Variants in SLC13A3 observed in about 807,000 individuals in gnomAD.
SLC13A3 encodes the protein Na(+)/dicarboxylate cotransporter 3.
In SLC13A3, 40 loss-of-function variants were observed where a neutral mutation model predicts 59.0. That is an observed-to-expected ratio of 0.68 (90% CI 0.53 to 0.88). The LOEUF is 0.88. Among genes scored for constraint, SLC13A3 ranks in the 40% least tolerant of loss-of-function variants. SLC13A3 has a pLI of 0.00. For missense variants in SLC13A3, 699 were observed against 783.2 expected, an observed-to-expected ratio of 0.89 and a Z score of 1.28; for synonymous variants, 317 against 330.3, an observed-to-expected ratio of 0.96 and a Z score of 0.44.
intron 11 of SLC13A3, among the ~76,000 whole-genome samples, chr20:46,564,249 A>C (rs925040058): frequency 6.6e-6 from 1 of 152,162 alleles, no homozygotes; most frequent in Non-Finnish European, 1.5e-5. Flanking sequence ...CCAAATTTCT[A>C]AGACTGTGTG....
At chr20:46,672,477 G>A (rs553527373), upstream of SLC13A3, among the ~76,000 whole-genome samples, 1 of 152,336 alleles carries the variant, frequency 6.6e-6, no homozygotes, top group South Asian at 2.1e-4. Flanking sequence ...AAATGAGGCA[G>A]GCAGCATCCC....
intron 1 of SLC13A3, among the ~76,000 whole-genome samples, chr20:46,629,554 T>G (rs372667996): frequency 1.3e-5 from 2 of 152,376 alleles, no homozygotes; most frequent in East Asian, 1.9e-4. Flanking sequence ...TCTTCCATAC[T>G]AATTGTTTTT....
Position 46,589,256 on chromosome 20 carries a change from C to T in SLC13A3, c.921-1G>A. The T allele has an allele frequency of 1.2e-6, 2 of 1,614,074 alleles. No individual in the cohort carries two copies. The highest frequency in any genetic ancestry group is 8.5e-7 in the Non-Finnish European group (1 of 1,179,934). Reference sequence around the variant, plus strand: ...CTCAGATTTATTCTTCCTCCAGCCCCTGAAACAGAAAGTGGGAGATTAGGA... The same window carrying T: ...CTCAGATTTATTCTTCCTCCAGCCCTTGAAACAGAAAGTGGGAGATTAGGA... On this transcript the variant is annotated splice_acceptor_variant, in intron 6 of 12. Coordinates refer to ENST00000279027, the MANE Select transcript of SLC13A3 (RefSeq NM_022829.6). LOFTEE classifies it high-confidence loss of function.
chr20:46,594,513 T>C (rs2062290589), intron 5 of SLC13A3, among the ~76,000 whole-genome samples: 1 of 151,964 alleles, frequency 6.6e-6, no homozygotes, highest in Non-Finnish European at 1.5e-5. Flanking sequence ...CAAACCCTCA[T>C]ACCAAATGCC....
chr20:46,582,116 C>T (rs1389169232), intron 9 of SLC13A3, among the ~76,000 whole-genome samples: 2 of 151,936 alleles, frequency 1.3e-5, no homozygotes, highest in Non-Finnish European at 2.9e-5. Context: ...AGCAAGACCC[C>T]TGTTCCTACA....
chr20:46,668,058 C>G (rs1231153484), intron 1 of SLC13A3, among the ~76,000 whole-genome samples: 1 of 152,164 alleles, frequency 6.6e-6, no homozygotes, highest in Non-Finnish European at 1.5e-5. Flanking sequence ...CAATCTCTCT[C>G]CCTCTCCTCA....
At chr20:46,589,598 G>T (rs2062232570) in intron 6 of SLC13A3, among the ~76,000 whole-genome samples, 1 of 152,168 alleles carries the variant, frequency 6.6e-6, no homozygotes, top group Non-Finnish European at 1.5e-5. Flanking sequence ...TAATAAAATT[G>T]CTATCTCAGA....
chr20:46,674,488 C>G (rs116161018), upstream of SLC13A3, among the ~76,000 whole-genome samples: 2 of 152,122 alleles, frequency 1.3e-5, no homozygotes, highest in Admixed American at 6.5e-5. Context: ...GGCCTTTGAT[C>G]GGCAGCAGAC....
At chr20:46,672,600 C>T (rs1397744584), upstream of SLC13A3, among the ~76,000 whole-genome samples, 1 of 152,166 alleles carries the variant, frequency 6.6e-6, no homozygotes, top group Non-Finnish European at 1.5e-5. Context: ...GAGGCAGGGC[C>T]TATTCCCCCT....
chr20:46,656,258 TA>T (rs2062989766), upstream of SLC13A3, among the ~76,000 whole-genome samples: 1 of 137,848 alleles, frequency 7.3e-6, no homozygotes, highest in African/African-American at 2.8e-5. Flanking sequence ...ACTGTATACT[TA>T]TATAGACTGT....
chr20:46,606,639 G>A (rs2062439647), intron 3 of SLC13A3, among the ~76,000 whole-genome samples: 1 of 152,198 alleles, frequency 6.6e-6, no homozygotes, highest in African/African-American at 2.4e-5. Flanking sequence ...GGGAGTTTGA[G>A]GCTGCAGCGA....
chr20:46,601,808 C>A (rs2062383212), intron 3 of SLC13A3, among the ~76,000 whole-genome samples: 1 of 151,988 alleles, frequency 6.6e-6, no homozygotes, highest in Non-Finnish European at 1.5e-5. Flanking sequence ...TGGGAGCACA[C>A]CCAGGAAGCA....
chr20:46,684,089 T>G (rs2063167384), intron 1 of SLC13A3, among the ~76,000 whole-genome samples: 1 of 152,154 alleles, frequency 6.6e-6, no homozygotes, highest in South Asian at 2.1e-4. Context: ...TCCTCCCCCT[T>G]GCTCACTAAT....
chr20:46,648,734 G>A (rs926732301), intron 1 of SLC13A3, among the ~76,000 whole-genome samples: 11 of 151,984 alleles, frequency 7.2e-5, no homozygotes, highest in African/African-American at 2.2e-4. Flanking sequence ...GTGAAACCCC[G>A]TCTCTACTAA....
rs777584036 is a variant in SLC13A3, at chr20:46,560,112, C to CA, written c.1718dup (p.Thr575HisfsTer7). On this transcript the variant is annotated frameshift_variant, in exon 13 of 13. Coordinates refer to ENST00000279027, the MANE Select transcript of SLC13A3 (RefSeq NM_022829.6). LOFTEE classifies it low-confidence loss of function (END_TRUNC). Reference sequence around the variant, plus strand: ...TATCAGCCCAGTCCGGGAAGGTGCCCAGCTGGAAGATGGTCTGTGCCCAGG... The same window carrying CA: ...TATCAGCCCAGTCCGGGAAGGTGCCCAAGCTGGAAGATGGTCTGTGCCCAGG... 2 of 1,614,024 alleles carry CA rather than the reference C, an allele frequency of 1.2e-6. No individual in the cohort carries two copies. Among genetic ancestry groups the CA allele is most frequent in the Non-Finnish European group, 1.7e-6 (2 of 1,180,032 alleles).
chr20:46,605,161 C>G (rs973894780), intron 3 of SLC13A3, among the ~76,000 whole-genome samples: 5 of 152,178 alleles, frequency 3.3e-5, no homozygotes, highest in Non-Finnish European at 7.3e-5. Context: ...CAGTAATTAG[C>G]TTTATCATAT....
At chr20:46,635,077 G>A (rs562656463) in intron 1 of SLC13A3, among the ~76,000 whole-genome samples, 1 of 152,244 alleles carries the variant, frequency 6.6e-6, no homozygotes, top group Non-Finnish European at 1.5e-5. Context: ...TGTGACCAGG[G>A]GACCAAGGAT....
At position 46,617,733 on chromosome 20, in the gene SLC13A3, C is replaced by T. The variant is rs568331132; in HGVS notation, c.112-4008G>A. Among the ~76,000 whole-genome samples the T allele has an allele frequency of 5.9e-5, 9 of 152,282 alleles. No homozygotes were observed. In the South Asian group the frequency reaches 1.9e-3, roughly 32 times the overall value. ...GGCTGCAGCACACCACTGTGGGCCT[C>T]CAGGCAGAAGAACATCCATGTATCA... On this transcript the variant is annotated intron_variant, in intron 1 of 12. Coordinates refer to ENST00000279027, the MANE Select transcript of SLC13A3 (RefSeq NM_022829.6).
chr20:46,651,400 C>T lies in SLC13A3; in HGVS notation c.22G>A (p.Ala8Thr). Reference protein sequence around the residue: MAALAAAAKKVWSARRLL... With the variant: MAALAAATKKVWSARRLL... ...CGCCGCGCGCTCCACACCTTCTTGG[C>T]CGCTGCTGCCAGCGCCGCCATCAGC... Residue 8 changes from alanine (A) to threonine (T), a missense_variant, in exon 1 of 13, where the codon GCC becomes ACC. Physicochemically the swap from Ala to Thr is moderately conservative, Grantham distance 58. Coordinates refer to ENST00000279027, the MANE Select transcript of SLC13A3 (RefSeq NM_022829.6). 2 of 1,495,896 alleles carry T rather than the reference C, an allele frequency of 1.3e-6. No individual in the cohort carries two copies. Among genetic ancestry groups the T allele is most frequent in the Non-Finnish European group, 1.8e-6 (2 of 1,127,582 alleles). The allele number at this position is 1,495,896 out of a possible 1,614,324, so 92.7% of individuals were successfully genotyped here. A position where few individuals can be genotyped will look rare whatever the true frequency, so the allele number is the denominator to read the frequency against.
Sources: gnomAD v4.1 joint callset for allele counts (sites outside exome capture counted in the v4.1 genomes callset) on GRCh38, gnomAD v4.1.1 for gene constraint, MANE v1.5 for transcripts, NCBI Gene and HGNC (gene_info 2026-07-23, HGNC 2026-07-21) for gene names.